Variants in AGTR1 observed in about 807,000 individuals in gnomAD.
AGTR1 encodes the protein angiotensin II receptor type 1.
AGTR1 carries 16 observed loss-of-function variants against 19.4 expected under a neutral mutation model. The ratio of observed to expected loss-of-function variants is 0.82; its 90% CI spans 0.56 to 1.25. AGTR1 has a LOEUF of 1.25. Among genes scored for constraint, AGTR1 ranks in the 50% most tolerant of loss-of-function variants. The pLI is 0.00. For missense variants in AGTR1, 373 were observed against 431.9 expected, an observed-to-expected ratio of 0.86 and a Z score of 1.21; for synonymous variants, 153 against 154.9, an observed-to-expected ratio of 0.99 and a Z score of 0.09.
intron 1 of AGTR1, among the ~76,000 whole-genome samples, chr3:148,707,179 A>C (rs1712714634): frequency 6.6e-6 from 1 of 151,988 alleles, no homozygotes; most frequent in African/African-American, 2.4e-5. Flanking sequence ...TAGCCATCAT[A>C]AGTAAAATAA....
chr3:148,700,891 ATGTGGTT>A (rs1478588145), intron 1 of AGTR1, among the ~76,000 whole-genome samples: 1 of 152,196 alleles, frequency 6.6e-6, no homozygotes, highest in Non-Finnish European at 1.5e-5. Context: ...TCATTGGATT[ATGTGGTT>A]TGTGTTTCTT....
intron 1 of AGTR1, among the ~76,000 whole-genome samples, chr3:148,703,833 T>TA (rs374379730): frequency 1.3e-5 from 2 of 151,958 alleles, no homozygotes; most frequent in Non-Finnish European, 2.9e-5. Flanking sequence ...AAATTTTTTT[T>TA]AAAAAAAGCA....
intron 2 of AGTR1, among the ~76,000 whole-genome samples, chr3:148,717,428 G>T (rs1186625950): frequency 6.6e-6 from 1 of 152,088 alleles, no homozygotes; most frequent in East Asian, 1.9e-4. Context: ...CGACACCTAG[G>T]TTCCAACCAT....
chr3:148,736,363 C>T (rs991293368), intron 2 of AGTR1, among the ~76,000 whole-genome samples: 18 of 152,066 alleles, frequency 1.2e-4, no homozygotes, highest in African/African-American at 4.1e-4. Flanking sequence ...ACTCATACTT[C>T]GAAAGAACAA....
At chr3:148,699,527 C>T (rs1007809889) in intron 1 of AGTR1, among the ~76,000 whole-genome samples, 1 of 151,978 alleles carries the variant, frequency 6.6e-6, no homozygotes, top group African/African-American at 2.4e-5. Flanking sequence ...AGTGCAGGGG[C>T]AGGAAAGCAT....
At chr3:148,712,566 G>A (rs986352649) in intron 2 of AGTR1, among the ~76,000 whole-genome samples, 1 of 152,112 alleles carries the variant, frequency 6.6e-6, no homozygotes, top group African/African-American at 2.4e-5. Flanking sequence ...AATACTCCCA[G>A]GTCAAAAAGG....
At chr3:148,707,548 T>A (rs1307507359) in intron 1 of AGTR1, among the ~76,000 whole-genome samples, 1 of 152,208 alleles carries the variant, frequency 6.6e-6, no homozygotes, top group East Asian at 1.9e-4. Context: ...AGTAATAGAA[T>A]CATTTAAGTT....
At chr3:148,739,041 C>T (rs894071911) in intron 2 of AGTR1, among the ~76,000 whole-genome samples, 2 of 152,142 alleles carry the variant, frequency 1.3e-5, no homozygotes, top group Admixed American at 6.6e-5. Context: ...GTGGAGAAGA[C>T]AGATATGTCA....
At chr3:148,732,339 C>T (rs1373680358) in intron 2 of AGTR1, among the ~76,000 whole-genome samples, 6 of 152,186 alleles carry the variant, frequency 3.9e-5, no homozygotes, top group Non-Finnish European at 8.8e-5. Context: ...ATAACATTGA[C>T]CTCGTTAGTC....
At chr3:148,733,474 G>T (rs1714404403) in intron 2 of AGTR1, among the ~76,000 whole-genome samples, 1 of 152,098 alleles carries the variant, frequency 6.6e-6, no homozygotes, top group African/African-American at 2.4e-5. Context: ...AATGGAATTT[G>T]AAATGAGATA....
In AGTR1 at chr3:148,716,566, A is replaced by G. The variant is rs536215699; in HGVS notation, c.-48+8539A>G. Among the ~76,000 whole-genome samples, 39 of 152,328 alleles carry G rather than the reference A, an allele frequency of 2.6e-4. No individual in the cohort carries two copies. The highest frequency in any genetic ancestry group is 9.4e-4 in the African/African-American group (39 of 41,576). On this transcript the variant is annotated intron_variant, in intron 2 of 2. Transcript: ENST00000349243. This position sits in a 1 kb window ranked among gnomAD's most constrained non-coding sequence, Gnocchi z 4.7. Reference sequence around the variant, plus strand: ...TGTAAGGAACTAGAACATTTTGAGAATATGCAATACATAACCTTAAACAAG... The same window carrying G: ...TGTAAGGAACTAGAACATTTTGAGAGTATGCAATACATAACCTTAAACAAG...
intron 2 of AGTR1, among the ~76,000 whole-genome samples, chr3:148,738,883 C>A (rs1191469330): frequency 6.6e-6 from 1 of 152,188 alleles, no homozygotes; most frequent in African/African-American, 2.4e-5. Flanking sequence ...ATGCTGCTCA[C>A]CCATTCATTT....
intron 1 of AGTR1, among the ~76,000 whole-genome samples, chr3:148,704,794 G>A (rs1712575096): frequency 6.6e-6 from 1 of 152,106 alleles, no homozygotes; most frequent in East Asian, 1.9e-4. Context: ...TGGGTTCCCT[G>A]GGATCATGTT....
intron 2 of AGTR1, among the ~76,000 whole-genome samples, chr3:148,729,677 GA>G (rs908620397): frequency 6.6e-6 from 1 of 152,120 alleles, no homozygotes; most frequent in Non-Finnish European, 1.5e-5. Context: ...TATTTAATTA[GA>G]AAACGCAAGT....
At chr3:148,718,095 A>G (rs577130141) in intron 2 of AGTR1, among the ~76,000 whole-genome samples, 1 of 152,312 alleles carries the variant, frequency 6.6e-6, no homozygotes, top group African/African-American at 2.4e-5. Flanking sequence ...AGACGTCCTT[A>G]TGCTTTTAGA....
chr3:148,742,805 A>G lies in AGTR1; in HGVS notation c.*690A>G, dbSNP rs1448640077. 2 of 167,958 alleles carry G rather than the reference A, an allele frequency of 1.2e-5. No individual in the cohort carries two copies. Among genetic ancestry groups the G allele is most frequent in the Non-Finnish European group, 2.9e-5 (2 of 68,782 alleles). The allele number at this position is 167,958 out of a possible 1,614,324, so 10.4% of individuals were successfully genotyped here. The stretch of plus-strand genomic sequence containing the variant: ...CCAAGTAGTAGTGTCTTCCTAGTAT[A>G]TTAGTTTGATTTAATATCTGAGAAG... On this transcript the variant is annotated 3_prime_UTR_variant, in exon 3 of 3. Coordinates refer to ENST00000349243, the MANE Select transcript of AGTR1 (RefSeq NM_000685.5).
intron 1 of AGTR1, among the ~76,000 whole-genome samples, chr3:148,703,083 G>T (rs12695873): frequency 6.6e-6 from 1 of 152,116 alleles, no homozygotes; most frequent in Non-Finnish European, 1.5e-5. Context: ...TCAAATCGGT[G>T]GTTCTTAAGA....
In AGTR1 at chr3:148,741,960, T is replaced by C. The variant is rs764229950; in HGVS notation, c.925T>C (p.Phe309Leu). ...PLFYGFLGKK[F>L]KRYFLQLLKY... ...TTTTTATGGCTTTCTGGGGAAAAAA[T>C]TTAAAAGATATTTTCTCCAGCTTCT... Residue 309 changes from phenylalanine to leucine, a missense_variant, in exon 3 of 3, where the codon TTT (phenylalanine) becomes CTT (leucine). Transcript: ENST00000349243. The C allele has an allele frequency of 1.8e-5, 29 of 1,613,642 alleles. No individual in the cohort carries two copies. The highest frequency in any genetic ancestry group is 8.3e-5 in the Admixed American group (5 of 59,946).
At chr3:148,732,252 T>C (rs1182804273) in intron 2 of AGTR1, among the ~76,000 whole-genome samples, 3 of 152,196 alleles carry the variant, frequency 2.0e-5, no homozygotes, top group African/African-American at 7.2e-5. Flanking sequence ...ATAAATAACG[T>C]AAGGGATGTC....
Sources: allele counts gnomAD v4.1 joint callset (sites outside exome capture counted in the v4.1 genomes callset), GRCh38; gene constraint gnomAD v4.1.1; non-coding constraint Gnocchi (gnomAD v3.1); transcripts MANE v1.5; gene names NCBI Gene and HGNC (gene_info 2026-07-23, HGNC 2026-07-21).